TRIQK: variants seen among roughly 807,000 people sequenced by gnomAD.
TRIQK encodes the protein triple QxxK/R motif containing.
In TRIQK, 10 loss-of-function variants were observed where a neutral mutation model predicts 10.8. That is an observed-to-expected ratio of 0.92 (90% CI 0.57 to 1.57). The LOEUF is 1.57. TRIQK is among the 40% of genes most tolerant of loss of function. The probability of loss-of-function intolerance (pLI) is 0.00; values close to 1 mark genes in which losing one functional copy is unlikely to be tolerated. For missense variants in TRIQK, 107 were observed against 97.7 expected (o/e 1.09, Z -0.40); for synonymous variants, 33 against 33.7 (o/e 0.98, Z 0.07).
intron 1 of TRIQK, among the ~76,000 whole-genome samples, chr8:92,994,242 C>T (rs1346396024): frequency 6.6e-6 from 1 of 152,100 alleles, no homozygotes; most frequent in Non-Finnish European, 1.5e-5. Context: ...CATAGTATTT[C>T]TCTCTGTTCT....
At chr8:92,949,467 A>T (rs1051529322) in intron 2 of TRIQK, among the ~76,000 whole-genome samples, 4 of 151,970 alleles carry the variant, frequency 2.6e-5, no homozygotes, top group African/African-American at 9.7e-5. Context: ...CATCATCATT[A>T]CATCATGCTG....
intron 3 of TRIQK, among the ~76,000 whole-genome samples, chr8:92,902,902 T>A (rs1809034051): frequency 6.6e-6 from 1 of 151,672 alleles, no homozygotes; most frequent in Non-Finnish European, 1.5e-5. Context: ...TGTATTGTGA[T>A]TTTGACTCTA....
intron 2 of TRIQK, among the ~76,000 whole-genome samples, chr8:92,950,872 G>A (rs1451212999): frequency 6.6e-6 from 1 of 151,900 alleles, no homozygotes; most frequent in East Asian, 1.9e-4. Context: ...TTAAACTTTA[G>A]TATAACATTA....
At chr8:92,960,102 A>G in intron 1 of TRIQK, among the ~76,000 whole-genome samples, 1 of 151,796 alleles carries the variant, frequency 6.6e-6, no homozygotes, top group East Asian at 1.9e-4. Context: ...TTCTTCCTTC[A>G]TAGGTCTTTT....
rs552347725 is a variant in TRIQK, at chr8:92,886,696, G to A, written c.187C>T (p.Leu63=). 465 of 1,532,746 alleles carry A rather than the reference G, an allele frequency of 3.0e-4. 1 individual carries two copies. The highest frequency in any genetic ancestry group is 3.9e-4 in the Non-Finnish European group (444 of 1,143,812). 94.9% of individuals were successfully genotyped at this position (1,532,746 alleles called of 1,614,324 possible). The change falls in exon 5 of 5, where the codon CTG becomes TTG. Residue 63 remains leucine, a synonymous_variant. Transcript: ENST00000521988. ...LVLAAILALL[L]AFYAFFYLRL... ...AGATAAAAGAAAGCATAGAAAGCCA[G>A]TAGTAGTGCCAATATAGCTGCAAGT...
chr8:92,977,541 A>T (rs960098715), intron 1 of TRIQK, among the ~76,000 whole-genome samples: 1 of 151,954 alleles, frequency 6.6e-6, no homozygotes, highest in Non-Finnish European at 1.5e-5. Flanking sequence ...TCCTTAACAT[A>T]CTTATCCTTT....
rs1026787425 is a variant in TRIQK, at chr8:92,883,664, A to G, written c.*2958T>C. On this transcript the variant is annotated 3_prime_UTR_variant, in exon 5 of 5. Transcript: ENST00000521988. ...ATTTTAACATGCATTTATTAAATTT[A>G]TATGCAGATGACTACACTACTGCAA... is the stretch of plus-strand genomic sequence containing the variant. 3 of 151,786 alleles carry G rather than the reference A, an allele frequency of 2.0e-5. No individual in the cohort carries two copies. The highest frequency in any genetic ancestry group is 4.4e-5 in the Non-Finnish European group (3 of 67,842). The allele number at this position is 151,786 out of a possible 1,614,324, so 9.4% of individuals were successfully genotyped here. A position where few individuals can be genotyped will look rare whatever the true frequency, so the allele number is the denominator to read the frequency against.
At chr8:93,013,836 T>C (rs1417601875) in intron 1 of TRIQK, among the ~76,000 whole-genome samples, 1 of 152,082 alleles carries the variant, frequency 6.6e-6, no homozygotes, top group African/African-American at 2.4e-5. Flanking sequence ...TATGTGCCCA[T>C]ATAGAGGAAA....
chr8:92,916,345 C>T (rs947142900), intron 3 of TRIQK, among the ~76,000 whole-genome samples: 4 of 152,078 alleles, frequency 2.6e-5, no homozygotes, highest in Non-Finnish European at 5.9e-5. Context: ...TCTAGTCCAC[C>T]GTTCTACTAG....
chr8:92,905,195 G>A (rs1158975895), intron 3 of TRIQK, among the ~76,000 whole-genome samples: 1 of 152,036 alleles, frequency 6.6e-6, no homozygotes, highest in Non-Finnish European at 1.5e-5. Context: ...CCAAAATCAG[G>A]AGACTAGAAG....
At chr8:92,915,156 G>A (rs892734920) in intron 3 of TRIQK, among the ~76,000 whole-genome samples, 2 of 152,098 alleles carry the variant, frequency 1.3e-5, no homozygotes, top group African/African-American at 4.8e-5. Flanking sequence ...CTTAAAAAAC[G>A]GATGTCAAAT....
intron 1 of TRIQK, among the ~76,000 whole-genome samples, chr8:92,997,444 A>G (rs1219000165): frequency 1.3e-5 from 2 of 152,038 alleles, no homozygotes; most frequent in African/African-American, 4.8e-5. Flanking sequence ...TGAGATATCT[A>G]GGTTACAAAT....
intron 3 of TRIQK, among the ~76,000 whole-genome samples, chr8:92,915,658 A>ATTT (rs11400309): frequency 2.0e-3 from 281 of 142,486 alleles, no homozygotes; most frequent in African/African-American, 6.9e-3. Context: ...CGCCCGGCTA[A>ATTT]TTTTTTTTTT....
chr8:92,995,315 A>G (rs1813142792), intron 1 of TRIQK, among the ~76,000 whole-genome samples: 1 of 151,830 alleles, frequency 6.6e-6, no homozygotes, highest in African/African-American at 2.4e-5. Flanking sequence ...TTAGTTTTTA[A>G]CTTATTCTTT....
chr8:92,928,958 C>T (rs2130537918), intron 2 of TRIQK, among the ~76,000 whole-genome samples: 1 of 152,298 alleles, frequency 6.6e-6, no homozygotes, highest in African/African-American at 2.4e-5. Context: ...CAAAAGTAAT[C>T]TACCAAGTGA....
intron 3 of TRIQK, among the ~76,000 whole-genome samples, chr8:92,895,686 G>A (rs62520784): frequency 0.041 from 6,296 of 152,184 alleles, 180 homozygotes; most frequent in African/African-American, 0.077. Context: ...GGCAAAGAAC[G>A]TGGCTGAATT....
chr8:92,973,022 G>A (rs772258864), intron 1 of TRIQK: 1 of 152,150 alleles, frequency 6.6e-6, no homozygotes, highest in Non-Finnish European at 1.5e-5. Context: ...AGAGTTCATG[G>A]TGCCTCGTGA....
At chr8:92,917,078 T>C in intron 2 of TRIQK, 68 bp from the exon 3 acceptor site, 2 of 940,220 alleles carry the variant, frequency 2.1e-6, no homozygotes, top group Non-Finnish European at 2.9e-6. Flanking sequence ...AGAAATAGTT[T>C]ATTCTATAAA....
intron 2 of TRIQK, among the ~76,000 whole-genome samples, chr8:92,918,234 T>C (rs1809971579): frequency 1.3e-5 from 2 of 152,054 alleles, no homozygotes; most frequent in Admixed American, 6.6e-5. Context: ...TTTGGATATA[T>C]ACCCAGGAGT....
Sources: gnomAD v4.1 joint callset for allele counts (sites outside exome capture counted in the v4.1 genomes callset) on GRCh38, gnomAD v4.1.1 for gene constraint, MANE v1.5 for transcripts, NCBI Gene and HGNC (gene_info 2026-07-23, HGNC 2026-07-21) for gene names.